The following EVC variants were observed in gnomAD, a reference collection of about 807,000 sequenced individuals.
The protein encoded by EVC is evC complex member EVC.
EVC carries 116 observed loss-of-function variants against 118.9 expected under a neutral mutation model. The ratio of observed to expected loss-of-function variants is 0.98; its 90% CI spans 0.84 to 1.14. The LOEUF is 1.14. Ranked by LOEUF, EVC falls within the 50% of genes most tolerant of loss-of-function variation. EVC has a pLI of 0.00. For synonymous variants in EVC, 619 were observed against 534.7 expected, an observed-to-expected ratio of 1.16 and a Z score of -2.18; for missense variants, 1,401 against 1,246.4, an observed-to-expected ratio of 1.12 and a Z score of -1.87.
intron 20 of EVC, 95 bp downstream of exon 20, chr4:5,810,545 C>T (rs1716742607): frequency 1.1e-6 from 1 of 883,302 alleles, no homozygotes; most frequent in East Asian, 2.6e-5. Flanking sequence ...AATCATCAGT[C>T]CCCTCAGAGG....
the EVC span, chr4:5,825,802 C>G: frequency 1.3e-6 from 1 of 754,272 alleles, no homozygotes; most frequent in East Asian, 3.0e-5. This position sits in a 1 kb window ranked among gnomAD's most constrained non-coding sequence, Gnocchi z 4.4. Flanking sequence ...CACGCACACA[C>G]GACAGGTGCA....
intron 11 of EVC, among the ~76,000 whole-genome samples, chr4:5,776,193 G>A (rs928587796): frequency 1.3e-5 from 2 of 151,740 alleles, no homozygotes; most frequent in African/African-American, 4.8e-5. Flanking sequence ...TCATTGATTT[G>A]GTAATGTTAT....
At position 5,783,845 on chromosome 4, in the gene EVC, A is replaced by G. The variant is rs369851051; in HGVS notation, c.1776+81A>G. The stretch of plus-strand genomic sequence containing the variant: ...AAGCGTGAGAGATCTCACGTCCTGA[A>G]CACCCACTAGTGCCTATTGTAGGTG... On this transcript the variant is annotated intron_variant, in intron 12 of 20. Coordinates refer to ENST00000264956, the MANE Select transcript of EVC (RefSeq NM_153717.3). 391 of 1,308,158 alleles carry G rather than the reference A, an allele frequency of 3.0e-4. No homozygotes were observed. The African/African-American group carries it at 5.1e-3, about 17-fold the overall frequency. 81.0% of individuals were successfully genotyped at this position (1,308,158 alleles called of 1,614,324 possible). A position where few individuals can be genotyped will look rare whatever the true frequency, so the allele number is the denominator to read the frequency against.
Position 5,752,927 on chromosome 4 carries a change from T to G in EVC, c.1190T>G (p.Leu397Arg). The change falls in exon 9 of 21, where the codon CTG becomes CGG. Residue 397 changes from leucine (L) to arginine (R), a missense_variant. Leu to Arg is a moderately radical substitution (Grantham distance 102, BLOSUM62 -2). Transcript: ENST00000264956. ...LQVQEETRCR[L>R]AAISHGLELL... is the part of the protein sequence containing the mutation. ...GTCCAGGAGGAGACCAGGTGCCGGC[T>G]GGCTGCCATCTCCCACGGCCTGGAG... 1 of 1,614,182 alleles carries G rather than the reference T, an allele frequency of 6.2e-7. No individual in the cohort carries two copies. Among genetic ancestry groups the G allele is most frequent in the South Asian group, 1.1e-5 (1 of 91,092 alleles).
Position 5,804,800 on chromosome 4 carries a change from G to T in EVC, c.2520G>T (p.Thr840=). 1 of 1,614,130 alleles carries T rather than the reference G, an allele frequency of 6.2e-7. No homozygotes were observed. Among genetic ancestry groups the T allele is most frequent in the Non-Finnish European group, 8.5e-7 (1 of 1,180,030 alleles). ...ELSNPSSGSR[T]AGGAHETSQA... ...GCAACCCTTCGTCGGGCAGCAGGAC[G>T]GCAGGTGGCGCTCATGAGACCTCCC... Residue 840 remains threonine (T), a synonymous_variant, in exon 17 of 21, where the codon ACG becomes ACT. Coordinates refer to ENST00000264956, the MANE Select transcript of EVC (RefSeq NM_153717.3).
At chr4:5,801,690 A>G in intron 15 of EVC, 1 of 405,768 alleles carries the variant, frequency 2.5e-6, no homozygotes. Flanking sequence ...AAAAAAAAAA[A>G]AAGATGCGGG....
At chr4:5,821,799 C>T in the EVC span, 15 of 1,611,290 alleles carry the variant, frequency 9.3e-6, no homozygotes, top group Middle Eastern at 1.6e-4. The surrounding 1 kb of genome is among the most constrained non-coding windows in gnomAD (Gnocchi z 4.4). Context: ...CACCAGGGGG[C>T]GCCACGATGC....
intron 1 of EVC, among the ~76,000 whole-genome samples, chr4:5,711,917 T>G (rs928427390): frequency 4.6e-5 from 7 of 152,198 alleles, no homozygotes; most frequent in Non-Finnish European, 8.8e-5. Context: ...CCTGAATGCC[T>G]ATTCCTGCTT....
intron 2 of EVC, among the ~76,000 whole-genome samples, chr4:5,723,712 G>A (rs1725353217): frequency 6.6e-6 from 1 of 152,088 alleles, no homozygotes; most frequent in African/African-American, 2.4e-5. Context: ...GGTGTCCTGG[G>A]TGTGACCTGT....
Position 5,804,841 on chromosome 4 carries a change from G to GGT in EVC, c.2561+2_2561+3dup, listed in dbSNP as rs1435015740. ...GAGACCTCCCAGGCGGTCCACCAGA[G>GGT]GTGAGGTCCCAACTGAGGTCCCACG... On this transcript the variant is annotated frameshift_variant and splice_region_variant. Coordinates refer to ENST00000264956, the MANE Select transcript of EVC (RefSeq NM_153717.3). LOFTEE classifies it high-confidence loss of function. 6.2e-7 allele frequency: 1 copy of GGT among 1,613,308 alleles called. No individual in the cohort carries two copies. Among genetic ancestry groups the GGT allele is most frequent in the South Asian group, 1.1e-5 (1 of 91,058 alleles).
chr4:5,739,978 C>T (rs1314070164), intron 5 of EVC, among the ~76,000 whole-genome samples: 3 of 150,932 alleles, frequency 2.0e-5, no homozygotes, highest in African/African-American at 7.3e-5. Flanking sequence ...CATATTATAT[C>T]TAAATGACCT....
intron 4 of EVC, 111 bp from the exon 5 acceptor site, chr4:5,733,240 A>G (rs1727127563): frequency 1.2e-6 from 1 of 851,694 alleles, no homozygotes; most frequent in South Asian, 1.3e-5. Context: ...GCAGAATGAG[A>G]GTTTGAGGCA....
In EVC at chr4:5,745,209, G is replaced by A. The variant is rs1729179179; in HGVS notation, c.807G>A (p.Leu269=). 1 of 1,613,412 alleles carries A rather than the reference G, an allele frequency of 6.2e-7. No individual in the cohort carries two copies. The highest frequency in any genetic ancestry group is 8.5e-7 in the Non-Finnish European group (1 of 1,179,732). The change falls in exon 7 of 21, where the codon TTG becomes TTA. Residue 269 remains leucine, a synonymous_variant. Coordinates refer to ENST00000264956, the MANE Select transcript of EVC (RefSeq NM_153717.3). ...QKILSKQEKD[L]EELEKGLQVK... ...TTTTTCTTCTTCTTCTTCAGGATTT[G>A]GAGGAACTAGAAAAGGGACTTCAGG... is the stretch of plus-strand genomic sequence containing the variant.
rs794726665 is a variant in EVC at position 5,793,722 on chromosome 4, G to T, written c.1886+5G>T. The T allele has an allele frequency of 3.7e-5, 57 of 1,547,300 alleles. No individual in the cohort carries two copies. Among genetic ancestry groups the T allele is most frequent in the Non-Finnish European group, 5.2e-6 (6 of 1,144,732 alleles). Reference sequence around the variant, plus strand: ...ACTGGGCGGCCTCACTGAAGAGTGAGTACAGCTCCCTGAAGGCCCAGGGCT... The same window carrying T: ...ACTGGGCGGCCTCACTGAAGAGTGATTACAGCTCCCTGAAGGCCCAGGGCT... On this transcript the variant is annotated splice_donor_5th_base_variant and intron_variant, in intron 13 of 20. Coordinates refer to ENST00000264956, the MANE Select transcript of EVC (RefSeq NM_153717.3).
intron 11 of EVC, among the ~76,000 whole-genome samples, chr4:5,760,518 G>A (rs1199156737): frequency 1.3e-5 from 2 of 152,080 alleles, no homozygotes; most frequent in African/African-American, 4.8e-5. Context: ...GGAGATGGGT[G>A]TGAAATTCTC....
At chr4:5,748,343 T>C (rs375181612) in intron 8 of EVC, 37 bp downstream of exon 8, 198 of 1,611,612 alleles carry the variant, frequency 1.2e-4, no homozygotes, top group Non-Finnish European at 1.6e-4. Context: ...CATAAAGATA[T>C]TCAGACTAGA....
chr4:5,785,761 C>T (rs1489772696), intron 12 of EVC, among the ~76,000 whole-genome samples: 3 of 152,266 alleles, frequency 2.0e-5, no homozygotes, highest in African/African-American at 7.2e-5. Context: ...TGTAGCATTT[C>T]CAGCAACAAT....
At chr4:5,823,158 C>T in the EVC span, among the ~76,000 whole-genome samples, 1 of 152,200 alleles carries the variant, frequency 6.6e-6, no homozygotes, top group Non-Finnish European at 1.5e-5. Context: ...TAAGACACCA[C>T]CCCACTCCCT....
Position 5,808,197 on chromosome 4 carries a change from C to A in EVC, c.2562-4C>A, listed in dbSNP as rs60082311. 9.7e-6 allele frequency: 15 copies of A among 1,554,026 alleles called. No individual in the cohort carries two copies. In the Admixed American group the frequency reaches 1.5e-4, roughly 15 times the overall value. On this transcript the variant is annotated splice_polypyrimidine_tract_variant and splice_region_variant and intron_variant, in intron 17 of 20. Coordinates refer to ENST00000264956, the MANE Select transcript of EVC (RefSeq NM_153717.3). ...TGCCAGCCTGCCTGCCTTCCTCCCC[C>A]CAGGATGCTGTCCCAGCAGAAGAGG...
Sources: gnomAD v4.1 joint callset for allele counts (sites outside exome capture counted in the v4.1 genomes callset) on GRCh38, gnomAD v4.1.1 for gene constraint, Gnocchi (gnomAD v3.1) non-coding constraint, MANE v1.5 for transcripts, NCBI Gene and HGNC (gene_info 2026-07-23, HGNC 2026-07-21) for gene names.